Variants in HTR1F observed in about 807,000 individuals in gnomAD.
HTR1F encodes 5-hydroxytryptamine (serotonin) receptor 1F, G protein-coupled.
Under a neutral mutation model 24.0 loss-of-function variants are expected in HTR1F, and 17 were observed. The observed-to-expected ratio is 0.71, with a 90% CI of 0.48 to 1.06. The LOEUF is 1.06. Ranked by LOEUF, HTR1F falls within the 50% of genes least tolerant of loss-of-function variation. HTR1F has a pLI of 0.00. For missense variants in HTR1F, 391 were observed against 427.8 expected (o/e 0.91, Z 0.76); for synonymous variants, 186 against 156.8 (o/e 1.19, Z -1.39).
At chr3:87,910,848 TAAAC>T (rs906305297) in intron 2 of HTR1F, among the ~76,000 whole-genome samples, 28 of 152,130 alleles carry the variant, frequency 1.8e-4, no homozygotes, top group African/African-American at 6.3e-4. Context: ...ACATGGAAAT[TAAAC>T]AACCTGCTCC....
intron 1 of HTR1F, among the ~76,000 whole-genome samples, chr3:87,814,127 T>C (rs1704207604): frequency 6.6e-6 from 1 of 152,128 alleles, no homozygotes; most frequent in African/African-American, 2.4e-5. Context: ...ACATTTAAAG[T>C]AATGAATGAC....
chr3:87,842,774 A>G (rs182736127), intron 2 of HTR1F, among the ~76,000 whole-genome samples: 1 of 152,114 alleles, frequency 6.6e-6, no homozygotes, highest in African/African-American at 2.4e-5. Flanking sequence ...CTTTTTATAA[A>G]ACAACCTTTT....
chr3:87,988,117 C>T (rs1705719318), intron 2 of HTR1F, among the ~76,000 whole-genome samples: 1 of 151,850 alleles, frequency 6.6e-6, no homozygotes, highest in Non-Finnish European at 1.5e-5. Context: ...ATTTTAGAGC[C>T]CCAAGCTCAC....
At chr3:87,912,999 T>C (rs1703815119) in intron 2 of HTR1F, among the ~76,000 whole-genome samples, 1 of 152,150 alleles carries the variant, frequency 6.6e-6, no homozygotes, top group African/African-American at 2.4e-5. Flanking sequence ...GAAGACGACC[T>C]AGGCAATATG....
At chr3:87,852,654 A>G (rs1705112530) in intron 2 of HTR1F, among the ~76,000 whole-genome samples, 1 of 151,752 alleles carries the variant, frequency 6.6e-6, no homozygotes, top group South Asian at 2.1e-4. Context: ...TTACATATGT[A>G]TACATGTGCC....
intron 2 of HTR1F, among the ~76,000 whole-genome samples, chr3:87,866,100 G>A (rs1422121917): frequency 6.6e-6 from 1 of 152,152 alleles, no homozygotes; most frequent in African/African-American, 2.4e-5. Context: ...AGAAGGACCA[G>A]TGAGAACCAT....
intron 2 of HTR1F, among the ~76,000 whole-genome samples, chr3:87,885,738 A>G (rs1053894537): frequency 8.5e-5 from 13 of 152,218 alleles, no homozygotes; most frequent in Non-Finnish European, 1.9e-4. Context: ...TAGAAAATCT[A>G]GAATAAATGG....
At chr3:87,832,994 A>G (rs1382435360) in intron 2 of HTR1F, among the ~76,000 whole-genome samples, 1 of 149,278 alleles carries the variant, frequency 6.7e-6, no homozygotes, top group Non-Finnish European at 1.5e-5. Flanking sequence ...TCCTTACTCA[A>G]AGGTTCTTTA....
At chr3:87,880,196 G>A (rs1409082333) in intron 2 of HTR1F, among the ~76,000 whole-genome samples, 6 of 152,092 alleles carry the variant, frequency 3.9e-5, no homozygotes, top group African/African-American at 1.4e-4. Context: ...GACTGAAAAG[G>A]GGCATGAGAA....
At chr3:87,890,032 A>G (rs1706042967) in intron 2 of HTR1F, among the ~76,000 whole-genome samples, 1 of 152,180 alleles carries the variant, frequency 6.6e-6, no homozygotes, top group Non-Finnish European at 1.5e-5. Context: ...AAAGTTTAGA[A>G]CCCTGTGTTG....
chr3:87,977,434 T>G (rs1274349952), intron 2 of HTR1F, among the ~76,000 whole-genome samples: 2 of 144,328 alleles, frequency 1.4e-5, no homozygotes, highest in Admixed American at 7.1e-5. Context: ...AGTCTCACTC[T>G]GTCGCCCAGG....
chr3:87,906,897 T>C (rs1369964121), intron 2 of HTR1F, among the ~76,000 whole-genome samples: 1 of 152,066 alleles, frequency 6.6e-6, no homozygotes, highest in African/African-American at 2.4e-5. Context: ...TAGTATTCCA[T>C]GGTATATATA....
rs1167996254 is a variant in HTR1F at position 87,917,137 on chromosome 3, T to TA, written c.-42-73571_-42-73570insA. Among the ~76,000 whole-genome samples the TA allele has an allele frequency of 3.8e-4, 57 of 151,886 alleles. 1 individual carries two copies. In the South Asian group the frequency reaches 0.011, roughly 29 times the overall value. On this transcript the variant is annotated intron_variant, in intron 2 of 2. Transcript: ENST00000319595. ...TCATTGAGTTAAAAATATATCAAAA[T>TA]TAAAATTAAAAAATTCTTCAAACCA...
rs1293200890 is a variant in HTR1F at position 87,991,842 on chromosome 3, C to T, written c.1093C>T (p.Arg365Ter). 5 of 1,555,836 alleles carry T rather than the reference C, an allele frequency of 3.2e-6. No individual in the cohort carries two copies. Among genetic ancestry groups the T allele is most frequent in the Admixed American group, 2.0e-5 (1 of 49,180 alleles). The change falls in exon 3 of 3, where the codon CGA (arginine) becomes TGA (stop). Residue 365 changes from arginine to a stop codon, truncating the protein, a stop_gained. Transcript: ENST00000319595. LOFTEE classifies it high-confidence loss of function. Reference protein sequence around the residue: ...KKAFQKLVRCRC With the variant: ...KKAFQKLVRC The stretch of plus-strand genomic sequence containing the variant: ...AGCATTCCAAAAGCTTGTGCGATGT[C>T]GATGTTAGTTTTAAAAATGTTTATT...
At chr3:87,916,212 C>A (rs1197509675) in intron 2 of HTR1F, among the ~76,000 whole-genome samples, 5 of 149,196 alleles carry the variant, frequency 3.4e-5, no homozygotes, top group Non-Finnish European at 7.4e-5. Context: ...GGCTCTAAAT[C>A]TTGAAATAAA....
chr3:87,954,225 T>A (rs1381508266), intron 2 of HTR1F, among the ~76,000 whole-genome samples: 3 of 151,776 alleles, frequency 2.0e-5, no homozygotes, highest in Admixed American at 2.0e-4. Flanking sequence ...AAATGATAAA[T>A]GTTTGAGGTG....
At chr3:87,970,790 C>T (rs1186401565) in intron 2 of HTR1F, among the ~76,000 whole-genome samples, 1 of 152,168 alleles carries the variant, frequency 6.6e-6, no homozygotes, top group East Asian at 1.9e-4. Flanking sequence ...ATATCTTCAG[C>T]TCCCTAGTTA....
intron 2 of HTR1F, among the ~76,000 whole-genome samples, chr3:87,829,379 G>A (rs1394174006): frequency 1.3e-5 from 2 of 152,212 alleles, no homozygotes; most frequent in Admixed American, 1.3e-4. Context: ...TATTGAGACT[G>A]TCAAATGAAG....
At chr3:87,902,403 G>A (rs1470829355) in intron 2 of HTR1F, among the ~76,000 whole-genome samples, 1 of 151,858 alleles carries the variant, frequency 6.6e-6, no homozygotes, top group Non-Finnish European at 1.5e-5. Context: ...ACAGCATGGG[G>A]AAAAAAAGTC....
Sources: allele counts gnomAD v4.1 joint callset (sites outside exome capture counted in the v4.1 genomes callset), GRCh38; gene constraint gnomAD v4.1.1; transcripts MANE v1.5; gene names NCBI Gene and HGNC (gene_info 2026-07-23, HGNC 2026-07-21).